The following NRCAM variants were observed in gnomAD, a reference collection of about 807,000 sequenced individuals.
NRCAM encodes the protein neuronal cell adhesion molecule.
Under a neutral mutation model 156.5 loss-of-function variants are expected in NRCAM, and 83 were observed. That is an observed-to-expected ratio of 0.53 (90% CI 0.44 to 0.64). The LOEUF (loss-of-function observed/expected upper bound fraction) is 0.64, where lower values mean the gene tolerates loss of function less well. Ranked by LOEUF, NRCAM falls within the 30% of genes least tolerant of loss-of-function variation. NRCAM has a pLI of 0.00. For synonymous variants in NRCAM, 538 were observed against 563.9 expected (o/e 0.95, Z 0.65); for missense variants, 1,417 against 1,597.3 (o/e 0.89, Z 1.92).
chr7:108,200,512 G>A (rs1393579647), intron 13 of NRCAM, among the ~76,000 whole-genome samples: 1 of 152,046 alleles, frequency 6.6e-6, no homozygotes, highest in Non-Finnish European at 1.5e-5. Flanking sequence ...GTATGACTGG[G>A]GCCTGACTCA....
At chr7:108,209,722 C>T (rs2083025162) in intron 11 of NRCAM, 117 bp from the exon 12 acceptor site, 1 of 724,038 alleles carries the variant, frequency 1.4e-6, no homozygotes. Context: ...ATAAGAAATA[C>T]ATAGATATTT....
At chr7:108,237,955 G>A (rs576573767) in intron 4 of NRCAM, among the ~76,000 whole-genome samples, 186 bp from the exon 5 acceptor site, 7 of 152,152 alleles carry the variant, frequency 4.6e-5, no homozygotes, top group Admixed American at 2.0e-4. Flanking sequence ...TTGCATTAAC[G>A]GTTTCCTTTA....
At chr7:108,320,365 C>T (rs1027249048) in intron 2 of NRCAM, among the ~76,000 whole-genome samples, 1 of 151,968 alleles carries the variant, frequency 6.6e-6, no homozygotes, top group Non-Finnish European at 1.5e-5. Flanking sequence ...GAAGCTGAGG[C>T]GAGGATTGCT....
intron 1 of NRCAM, among the ~76,000 whole-genome samples, chr7:108,435,397 T>A (rs1830813721): frequency 6.6e-6 from 1 of 151,968 alleles, no homozygotes; most frequent in Non-Finnish European, 1.5e-5. Flanking sequence ...ATAAGCAGAG[T>A]CTCAGAAACC....
At chr7:108,418,802 A>T (rs1805278623) in intron 1 of NRCAM, among the ~76,000 whole-genome samples, 2 of 152,162 alleles carry the variant, frequency 1.3e-5, no homozygotes, top group Admixed American at 6.5e-5. Context: ...GGCTTATTTT[A>T]TAGCATAAAC....
chr7:108,210,514 G>A (rs1221286021), intron 11 of NRCAM, among the ~76,000 whole-genome samples: 1 of 152,174 alleles, frequency 6.6e-6, no homozygotes, highest in Non-Finnish European at 1.5e-5. Context: ...CCAAAGTGCT[G>A]GGATTATAGG....
chr7:108,177,688 TATATATATAC>T (rs1186223621), intron 26 of NRCAM, among the ~76,000 whole-genome samples: 1,315 of 20,994 alleles, frequency 0.063, 29 homozygotes, highest in African/African-American at 0.088. Flanking sequence ...TATACGTGTA[TATATATATAC>T]ACGTATATAT....
chr7:108,269,177 A>G (rs529368953), intron 3 of NRCAM, among the ~76,000 whole-genome samples: 172 of 152,074 alleles, frequency 1.1e-3, no homozygotes, highest in African/African-American at 4.0e-3. Flanking sequence ...AAAAAAAAAA[A>G]AGAAAAAAGA....
At chr7:108,308,528 G>A (rs887127908) in intron 3 of NRCAM, among the ~76,000 whole-genome samples, 2 of 152,186 alleles carry the variant, frequency 1.3e-5, no homozygotes, top group African/African-American at 4.8e-5. Context: ...CTCCCCACTA[G>A]GCTACAATGG....
At chr7:108,417,988 C>T (rs1188903945) in intron 1 of NRCAM, among the ~76,000 whole-genome samples, 2 of 152,118 alleles carry the variant, frequency 1.3e-5, no homozygotes, top group African/African-American at 4.8e-5. Flanking sequence ...ATCACTAACA[C>T]TGAACCAATG....
chr7:108,357,647 T>G (rs1347518329), intron 2 of NRCAM, among the ~76,000 whole-genome samples: 2 of 152,202 alleles, frequency 1.3e-5, no homozygotes, highest in Non-Finnish European at 1.5e-5. Flanking sequence ...GGCCAACATT[T>G]TAATGAATGT....
chr7:108,439,945 T>C (rs898015441), intron 1 of NRCAM, among the ~76,000 whole-genome samples: 1 of 152,050 alleles, frequency 6.6e-6, no homozygotes, highest in East Asian at 1.9e-4. Flanking sequence ...ACAGCCACTT[T>C]AAAAAATAGT....
chr7:108,190,688 G>A (rs2070770082), intron 19 of NRCAM, among the ~76,000 whole-genome samples: 1 of 152,104 alleles, frequency 6.6e-6, no homozygotes, highest in Admixed American at 6.5e-5. Flanking sequence ...ATTCTAAAAA[G>A]CCACACAACA....
chr7:108,346,254 G>C (rs538627004), intron 2 of NRCAM, among the ~76,000 whole-genome samples: 15 of 152,292 alleles, frequency 9.8e-5, no homozygotes, highest in African/African-American at 3.4e-4. Context: ...CTTTGGGCTA[G>C]ACAGATTAAT....
chr7:108,259,616 G>A (rs1038247396), intron 3 of NRCAM, among the ~76,000 whole-genome samples: 3 of 152,156 alleles, frequency 2.0e-5, no homozygotes, highest in Non-Finnish European at 2.9e-5. Context: ...GTGATAGATC[G>A]GATAAAGAAA....
intron 8 of NRCAM, 46 bp from the exon 9 acceptor site, chr7:108,226,424 G>C: frequency 7.1e-7 from 1 of 1,416,862 alleles, no homozygotes; most frequent in South Asian, 1.2e-5. Flanking sequence ...TCATAAAGTG[G>C]CTACCCTCCA....
rs1329863043 is a variant in NRCAM, at chr7:108,168,422, A to C, written c.3188-20T>G. 4.4e-6 allele frequency: 7 copies of C among 1,578,550 alleles called. No homozygotes were observed. The highest frequency in any genetic ancestry group is 6.0e-6 in the Non-Finnish European group (7 of 1,166,338). On this transcript the variant is annotated intron_variant, in intron 28 of 32. Transcript: ENST00000379028. ...CTTGAACTAAACATACAATAGAAAA[A>C]TAAAACAAACAATCATATTGCAACA...
intron 12 of NRCAM, 54 bp from the exon 13 acceptor site, chr7:108,207,713 C>A (rs2153572095): frequency 1.3e-6 from 2 of 1,495,372 alleles, no homozygotes; most frequent in Non-Finnish European, 9.1e-7. Context: ...AGCATTTTAG[C>A]AAAAGAACAT....
intron 11 of NRCAM, among the ~76,000 whole-genome samples, chr7:108,219,431 C>T (rs1440361197): frequency 6.6e-6 from 1 of 152,056 alleles, no homozygotes; most frequent in African/African-American, 2.4e-5. Flanking sequence ...CCCTGAGGAA[C>T]ATAGATGCTA....
Sources: gnomAD v4.1 joint callset for allele counts (sites outside exome capture counted in the v4.1 genomes callset) on GRCh38, gnomAD v4.1.1 for gene constraint, MANE v1.5 for transcripts, NCBI Gene and HGNC (gene_info 2026-07-23, HGNC 2026-07-21) for gene names.